Variants in KLHL29 observed in about 807,000 individuals in gnomAD.
KLHL29 encodes the protein kelch like family member 29.
In KLHL29, 21 loss-of-function variants were observed where a neutral mutation model predicts 80.4. The observed-to-expected ratio is 0.26, with a 90% confidence interval of 0.19 to 0.38. KLHL29 has a LOEUF of 0.38. Among genes scored for constraint, KLHL29 ranks in the 10% least tolerant of loss-of-function variants. The probability of loss-of-function intolerance (pLI) is 1.00; values close to 1 mark genes in which losing one functional copy is unlikely to be tolerated. For synonymous variants in KLHL29, 511 were observed against 526.8 expected (o/e 0.97, Z 0.41); for missense variants, 867 against 1,223.9 (o/e 0.71, Z 4.35).
chr2:23,603,619 C>CA (rs1427606836), intron 3 of KLHL29, among the ~76,000 whole-genome samples: 2 of 152,218 alleles, frequency 1.3e-5, no homozygotes, highest in African/African-American at 4.8e-5. Context: ...ATCGAGGAGG[C>CA]TGGCCGGGAA....
chr2:23,580,264 C>G (rs894759721), intron 3 of KLHL29, among the ~76,000 whole-genome samples: 4 of 151,984 alleles, frequency 2.6e-5, no homozygotes, highest in Admixed American at 1.3e-4. Context: ...CCCAGCTACT[C>G]TGGAGGCTGA....
intron 3 of KLHL29, among the ~76,000 whole-genome samples, chr2:23,621,176 C>CCAG (rs201529828): frequency 3.9e-5 from 6 of 152,008 alleles, no homozygotes; most frequent in Non-Finnish European, 7.4e-5. Flanking sequence ...CAGTTCTCAC[C>CCAG]CAGCAGCAGC....
Position 23,642,380 on chromosome 2 carries a change from C to T in KLHL29, c.470C>T (p.Pro157Leu), listed in dbSNP as rs748819338. 1 of 1,444,376 alleles carries T rather than the reference C, an allele frequency of 6.9e-7. No individual in the cohort carries two copies. The highest frequency in any genetic ancestry group is 1.4e-5 in the African/African-American group (1 of 69,818). The allele number at this position is 1,444,376 out of a possible 1,614,324, so 89.5% of individuals were successfully genotyped here. ...WVTTVAAGNQ[P>L]TLIAHSYGVA... ...ACCACGGTGGCCGCCGGGAACCAGC[C>T]CACCCTGATTGCACACTCCTATGGA... The change falls in exon 5 of 14, where the codon CCC becomes CTC. Residue 157 changes from proline to leucine, a missense_variant. Transcript: ENST00000486442.
chr2:23,652,208 C>T (rs1670105673), intron 5 of KLHL29, among the ~76,000 whole-genome samples: 1 of 152,198 alleles, frequency 6.6e-6, no homozygotes, highest in Admixed American at 6.5e-5. Flanking sequence ...CAGGCTGCTC[C>T]CTCTGCTTTG....
chr2:23,529,890 T>C lies in KLHL29; in HGVS notation c.-45-32262T>C, dbSNP rs1397011935. Among the ~76,000 whole-genome samples the C allele has an allele frequency of 2.0e-5, 3 of 152,066 alleles. No homozygotes were observed. The East Asian group carries it at 5.8e-4, about 29-fold the overall frequency. On this transcript the variant is annotated intron_variant, in intron 2 of 13. Transcript: ENST00000486442. ...GCCCGTTGCAGTATCGAGGACTGAG[T>C]CTCAGGTGTGCCCATGTCCTGAGAG...
Position 23,437,115 on chromosome 2 carries a change from G to A in KLHL29, c.-153-38445G>A, listed in dbSNP as rs533965908. ...GCTTGATTGAAAGCCCGGGTTCAGC[G>A]GAATGTGTGGGCAAAGTGTACTAAG... On this transcript the variant is annotated intron_variant, in intron 1 of 13. Coordinates refer to ENST00000486442, the MANE Select transcript of KLHL29 (RefSeq NM_052920.2). Among the ~76,000 whole-genome samples the A allele has an allele frequency of 7.2e-5, 11 of 152,298 alleles. No homozygotes were observed. The South Asian group carries it at 8.3e-4, about 11-fold the overall frequency.
At chr2:23,594,682 G>A (rs897616907) in intron 3 of KLHL29, among the ~76,000 whole-genome samples, 1 of 152,164 alleles carries the variant, frequency 6.6e-6, no homozygotes, top group Non-Finnish European at 1.5e-5. Context: ...GCATTAGATG[G>A]AATTAAAGTA....
At position 23,670,921 on chromosome 2, in the gene KLHL29, T is replaced by C. The variant is rs142509795; in HGVS notation, c.941-13478T>C. On this transcript the variant is annotated intron_variant, in intron 5 of 13. Transcript: ENST00000486442. ...GGTCTCTACACACATGCACGCGCTC[T>C]CTCTCTCTCTCTCTCTCTCTCTCTC... Among the ~76,000 whole-genome samples, 74 of 38,302 alleles carry C rather than the reference T, an allele frequency of 1.9e-3. 2 individuals are homozygous for C. Among genetic ancestry groups the C allele is most frequent in the African/African-American group, 6.6e-3 (72 of 10,884 alleles). 25.1% of individuals were successfully genotyped at this position (38,302 alleles called of 152,430 possible).
At chr2:23,490,719 C>T (rs1045460207) in intron 2 of KLHL29, among the ~76,000 whole-genome samples, 3 of 152,178 alleles carry the variant, frequency 2.0e-5, no homozygotes, top group Admixed American at 6.5e-5. Context: ...TAAAAGTGTT[C>T]AGAGTGGCAG....
chr2:23,473,328 G>A (rs553019772), intron 1 of KLHL29, among the ~76,000 whole-genome samples: 20 of 152,212 alleles, frequency 1.3e-4, no homozygotes, highest in African/African-American at 4.6e-4. Context: ...GCCTGGGAGA[G>A]GTGGGGAAGA....
At chr2:23,414,704 G>T (rs58743544) in intron 1 of KLHL29, among the ~76,000 whole-genome samples, 1,791 of 152,296 alleles carry the variant, frequency 0.012, 39 homozygotes, top group African/African-American at 0.041. Flanking sequence ...GACAATGGGG[G>T]AAGCCACATA....
chr2:23,406,492 C>G (rs1666736284), intron 1 of KLHL29, among the ~76,000 whole-genome samples: 2 of 152,140 alleles, frequency 1.3e-5, no homozygotes, highest in Non-Finnish European at 2.9e-5. Flanking sequence ...ATACAACACA[C>G]ATTGCCTCAT....
chr2:23,649,290 TTC>T (rs1487521451), intron 5 of KLHL29, among the ~76,000 whole-genome samples: 1 of 152,176 alleles, frequency 6.6e-6, no homozygotes, highest in African/African-American at 2.4e-5. Context: ...GCCCGTGGAA[TTC>T]GAAACTCCAT....
At chr2:23,506,044 G>A (rs893299438) in intron 2 of KLHL29, among the ~76,000 whole-genome samples, 6 of 152,196 alleles carry the variant, frequency 3.9e-5, no homozygotes, top group Non-Finnish European at 5.9e-5. Context: ...CCTGGGGAAC[G>A]GCTTCATTAC....
At chr2:23,687,034 A>G (rs1364281802) in intron 6 of KLHL29, among the ~76,000 whole-genome samples, 1 of 151,922 alleles carries the variant, frequency 6.6e-6, no homozygotes, top group East Asian at 1.9e-4. Flanking sequence ...AGCTGATGTA[A>G]CCATGTCTTT....
chr2:23,692,605 C>T (rs1217482935), intron 7 of KLHL29, among the ~76,000 whole-genome samples: 1 of 152,154 alleles, frequency 6.6e-6, no homozygotes, highest in African/African-American at 2.4e-5. Context: ...CAGTGAGGCT[C>T]GCGCACAGAT....
At chr2:23,644,670 G>A (rs1669870968) in intron 5 of KLHL29, among the ~76,000 whole-genome samples, 1 of 152,346 alleles carries the variant, frequency 6.6e-6, no homozygotes, top group South Asian at 2.1e-4. Context: ...TGTGCCCACT[G>A]GGTCAATGAC....
chr2:23,630,624 A>G (rs368683089), intron 3 of KLHL29, among the ~76,000 whole-genome samples: 18 of 152,250 alleles, frequency 1.2e-4, no homozygotes, highest in African/African-American at 4.1e-4. Flanking sequence ...AGCTAGGACT[A>G]CAGGCACACA....
At chr2:23,637,977 G>A (rs1283227831) in intron 3 of KLHL29, among the ~76,000 whole-genome samples, 1 of 151,154 alleles carries the variant, frequency 6.6e-6, no homozygotes, top group East Asian at 1.9e-4. Flanking sequence ...CTCTTCCCGG[G>A]GCCACCTCTA....
Sources: gnomAD v4.1 joint callset for allele counts (sites outside exome capture counted in the v4.1 genomes callset) on GRCh38, gnomAD v4.1.1 for gene constraint, MANE v1.5 for transcripts, NCBI Gene and HGNC (gene_info 2026-07-23, HGNC 2026-07-21) for gene names.